TG: variants seen among roughly 807,000 people sequenced by gnomAD.
TG encodes the protein thyroglobulin.
TG carries 270 observed loss-of-function variants against 324.7 expected under a neutral mutation model. The ratio of observed to expected loss-of-function variants is 0.83; its 90% CI spans 0.75 to 0.92. The LOEUF (loss-of-function observed/expected upper bound fraction) is 0.92. TG is among the 40% of genes least tolerant of loss of function. The probability of loss-of-function intolerance (pLI) is 0.00; values close to 1 mark genes in which losing one functional copy is unlikely to be tolerated. For missense variants in TG, 3,591 were observed against 3,456.4 expected, an observed-to-expected ratio of 1.04 and a Z score of -0.98; for synonymous variants, 1,401 against 1,327.0, an observed-to-expected ratio of 1.06 and a Z score of -1.21.
At position 132,972,694 on chromosome 8, in the gene TG, C is replaced by T; in HGVS notation, c.6152C>T (p.Pro2051Leu). ...GAWRILDCGS[P>L]DIEVHTYPFG... ...TGGCGCATTTTGGACTGTGGCTCTC[C>T]TGACATTGAAGTCCACACCTATCCC... The change falls in exon 34 of 48, where the codon CCT becomes CTT. Residue 2051 changes from proline (P) to leucine (L), a missense_variant. By Grantham distance (98) the Pro-to-Leu change is moderately conservative (BLOSUM62 -3). Coordinates refer to ENST00000220616, the MANE Select transcript of TG (RefSeq NM_003235.5). 1.9e-6 allele frequency: 3 copies of T among 1,613,832 alleles called. No individual in the cohort carries two copies. The highest frequency in any genetic ancestry group is 2.2e-5 in the East Asian group (1 of 44,852).
At chr8:133,024,318 CTTT>C (rs1835830601) in intron 40 of TG, among the ~76,000 whole-genome samples, 2 of 34,000 alleles carry the variant, frequency 5.9e-5, no homozygotes, top group South Asian at 1.2e-3. Flanking sequence ...TTCTTTCTTT[CTTT>C]CTTTCTTTCT....
chr8:133,047,237 T>C (rs1419418543), intron 41 of TG: 1 of 152,362 alleles, frequency 6.6e-6, no homozygotes, highest in Admixed American at 6.5e-5. Flanking sequence ...TTAATGCATA[T>C]GATGCAAGGA....
At chr8:133,055,347 A>T (rs1841181545) in intron 41 of TG, among the ~76,000 whole-genome samples, 1 of 86,110 alleles carries the variant, frequency 1.2e-5, no homozygotes. Flanking sequence ...CATCTTCAGG[A>T]CACACACACG....
rs755672784 is a variant in TG at position 132,888,516 on chromosome 8, G to C, written c.2709G>C (p.Glu903Asp). The change falls in exon 10 of 48, where the codon GAG (glutamate) becomes GAC (aspartate). Residue 903 changes from glutamate (E) to aspartate (D), a missense_variant. Physicochemically the swap from Glu to Asp is conservative, Grantham distance 45 (BLOSUM62 2). Transcript: ENST00000220616. ...FDLRNCWCVD[E>D]AGQELEGMRS... ...TTCGGAACTGCTGGTGTGTGGATGA[G>C]GCTGGCCAAGAACTGGAAGGAATGC... 9 of 1,611,442 alleles carry C rather than the reference G, an allele frequency of 5.6e-6. No individual in the cohort carries two copies. Among genetic ancestry groups the C allele is most frequent in the African/African-American group, 1.3e-5 (1 of 74,876 alleles).
At chr8:132,906,666 G>A (rs768202622) in intron 16 of TG, 22 bp from the exon 17 acceptor site, 12 of 1,613,240 alleles carry the variant, frequency 7.4e-6, no homozygotes, top group South Asian at 2.2e-5. Context: ...TGCCCACCAC[G>A]GCTCCACTTT....
At chr8:132,955,344 C>T (rs1016438780) in intron 27 of TG, among the ~76,000 whole-genome samples, 2 of 152,306 alleles carry the variant, frequency 1.3e-5, no homozygotes, top group South Asian at 2.1e-4. Flanking sequence ...TCCTTGGCAC[C>T]TTGTTGGAAA....
Position 133,134,704 on chromosome 8 carries a change from G to A in TG, c.8217G>A (p.Glu2739=). The change falls in exon 48 of 48, where the codon GAG becomes GAA. Residue 2739 remains glutamate (E), a synonymous_variant. Coordinates refer to ENST00000220616, the MANE Select transcript of TG (RefSeq NM_003235.5). ...GAGCCAAGGGCGGGCAGTCAGCAGAGAGTGAAGAGGAGGAGTTGACGGCTG... is the reference window on the plus strand; with the variant it reads ...GAGCCAAGGGCGGGCAGTCAGCAGAAAGTGAAGAGGAGGAGTTGACGGCTG... ...ADGAKGGQSA[E]SEEEELTAGS... is the part of the protein sequence containing the mutation. The A allele has an allele frequency of 6.2e-7, 1 of 1,614,076 alleles. No individual in the cohort carries two copies. The highest frequency in any genetic ancestry group is 8.5e-7 in the Non-Finnish European group (1 of 1,179,968).
intron 41 of TG, among the ~76,000 whole-genome samples, chr8:133,068,717 T>C (rs2131401767): frequency 6.6e-6 from 1 of 152,334 alleles, no homozygotes; most frequent in South Asian, 2.1e-4. Flanking sequence ...TGAAGAGCTG[T>C]CTGGCATACG....
intron 34 of TG, among the ~76,000 whole-genome samples, chr8:132,981,728 G>A (rs1830877719): frequency 3.9e-5 from 6 of 152,178 alleles, no homozygotes; most frequent in Admixed American, 3.9e-4. Flanking sequence ...CTCTGGGGTG[G>A]GACCCAGCAA....
At chr8:132,948,247 T>TTGTG (rs60794915) in intron 26 of TG, among the ~76,000 whole-genome samples, 37 of 150,792 alleles carry the variant, frequency 2.5e-4, no homozygotes, top group Admixed American at 7.3e-4. Flanking sequence ...AAGGTTGATC[T>TTGTG]TGTGTGTGTG....
chr8:132,914,378 A>G (rs961475866), intron 20 of TG, among the ~76,000 whole-genome samples: 2 of 152,186 alleles, frequency 1.3e-5, no homozygotes, highest in Non-Finnish European at 2.9e-5. Flanking sequence ...TCAATTATTT[A>G]TGTTGGTCGC....
chr8:132,892,798 TG>T (rs1563918563), intron 10 of TG, among the ~76,000 whole-genome samples: 5 of 150,008 alleles, frequency 3.3e-5, no homozygotes, highest in Non-Finnish European at 7.4e-5. Flanking sequence ...TGTGTATGAG[TG>T]TGGTGTGTGT....
chr8:132,930,288 T>C (rs2739055), intron 23 of TG, among the ~76,000 whole-genome samples: 61,467 of 152,116 alleles, frequency 0.4, 15,183 homozygotes, highest in Admixed American at 0.53. Flanking sequence ...GGAATCAGCA[T>C]GAGGATGGCA....
At chr8:133,102,526 C>T in intron 43 of TG, 2 of 1,551,050 alleles carry the variant, frequency 1.3e-6, no homozygotes, top group Non-Finnish European at 1.7e-6. Context: ...CCAGGGGGTC[C>T]CAATGACAGC....
rs372540168 is a variant in TG at position 133,066,105 on chromosome 8, C to T, written c.7240-28939C>T. Among the ~76,000 whole-genome samples, 56 of 152,186 alleles carry T rather than the reference C, an allele frequency of 3.7e-4. No individual in the cohort carries two copies. In the East Asian group the frequency reaches 9.1e-3, roughly 25 times the overall value. Reference sequence around the variant, plus strand: ...TTAGGAGGCTGAGGCGGGCAGATCACGAGGTGAGGAGATCGAGACCATCCT... The same window carrying T: ...TTAGGAGGCTGAGGCGGGCAGATCATGAGGTGAGGAGATCGAGACCATCCT... On this transcript the variant is annotated intron_variant, in intron 41 of 47. Transcript: ENST00000220616.
At chr8:133,093,143 T>TCTTTTCTTTTCTTTTCTTTTCTTTTC (rs55977841) in intron 41 of TG, among the ~76,000 whole-genome samples, 5 of 93,940 alleles carry the variant, frequency 5.3e-5, no homozygotes, top group African/African-American at 1.6e-4. Context: ...TCTTTTCTTT[T>TCTTTTCTTTTCTTTTCTTTTCTTTTC]TTTTTTTTAA....
At chr8:132,880,603 T>C (rs1814518900) in intron 5 of TG, among the ~76,000 whole-genome samples, 1 of 152,212 alleles carries the variant, frequency 6.6e-6, no homozygotes, top group Non-Finnish European at 1.5e-5. Context: ...CATAATCCTA[T>C]AGTGCATTTC....
At chr8:132,925,809 G>A (rs182791222) in intron 22 of TG, among the ~76,000 whole-genome samples, 2 of 152,266 alleles carry the variant, frequency 1.3e-5, no homozygotes, top group African/African-American at 2.4e-5. Flanking sequence ...TTGGCCTTGA[G>A]GATTGTCTTA....
intron 41 of TG, among the ~76,000 whole-genome samples, chr8:133,087,440 G>A (rs879594138): frequency 5.9e-5 from 9 of 152,128 alleles, no homozygotes; most frequent in Non-Finnish European, 1.2e-4. Flanking sequence ...CTCCCTCGGG[G>A]TGTGAGGGGA....
Sources: gnomAD v4.1 joint callset for allele counts (sites outside exome capture counted in the v4.1 genomes callset) on GRCh38, gnomAD v4.1.1 for gene constraint, MANE v1.5 for transcripts, NCBI Gene and HGNC (gene_info 2026-07-23, HGNC 2026-07-21) for gene names.